ATP6V1B2: variants seen among roughly 807,000 people sequenced by gnomAD.
ATP6V1B2 encodes the protein V-type proton ATPase subunit B, brain isoform.
A neutral mutation model predicts 66.7 loss-of-function variants in ATP6V1B2; 23 were observed. That is an observed-to-expected ratio of 0.34 (90% CI 0.25 to 0.49). The LOEUF is 0.49. Among genes scored for constraint, ATP6V1B2 ranks in the 20% least tolerant of loss-of-function variants. ATP6V1B2 has a pLI of 0.99. For missense variants in ATP6V1B2, 478 were observed against 650.8 expected, an observed-to-expected ratio of 0.73 and a Z score of 2.89; for synonymous variants, 278 against 236.7, an observed-to-expected ratio of 1.17 and a Z score of -1.60.
chr8:20,213,420 A>T (rs1175203881), intron 9 of ATP6V1B2: 1 of 163,964 alleles, frequency 6.1e-6, no homozygotes, highest in African/African-American at 2.4e-5. Flanking sequence ...AAGCCAAGGC[A>T]GGAGGGTCAC....
chr8:20,204,851 T>C (rs888624096), intron 2 of ATP6V1B2, among the ~76,000 whole-genome samples: 9 of 151,734 alleles, frequency 5.9e-5, no homozygotes, highest in African/African-American at 2.2e-4. Flanking sequence ...TTGAGAGAGG[T>C]TAATGATGCA....
chr8:20,211,370 T>C (rs1222825758), intron 6 of ATP6V1B2, 54 bp downstream of exon 6: 2 of 1,582,794 alleles, frequency 1.3e-6, no homozygotes, highest in Admixed American at 3.9e-5. Flanking sequence ...ATTTCTATAA[T>C]GCATCACTGT....
At chr8:20,202,551 G>A (rs561062726) in intron 1 of ATP6V1B2, among the ~76,000 whole-genome samples, 2 of 152,324 alleles carry the variant, frequency 1.3e-5, no homozygotes, top group East Asian at 3.9e-4. Context: ...CTTGTCTTCT[G>A]TAGTAGATGT....
chr8:20,206,011 A>C (rs2072735154), intron 2 of ATP6V1B2, among the ~76,000 whole-genome samples: 1 of 152,244 alleles, frequency 6.6e-6, no homozygotes, highest in Non-Finnish European at 1.5e-5. Context: ...AAATTTGATG[A>C]AATTACTCAT....
In ATP6V1B2 at chr8:20,214,980, T is replaced by C. The variant is rs114934977; in HGVS notation, c.1078+12T>C. 7.0e-4 allele frequency: 1,133 copies of C among 1,612,214 alleles called. 8 individuals are homozygous for C. The African/African-American group carries it at 0.014, about 20-fold the overall frequency. On this transcript the variant is annotated intron_variant, in intron 10 of 13. Transcript: ENST00000276390. ...CATGCCTAATGATGGTAAGTTTTGG[T>C]ATTTGGATTATAACACACCTAATCA...
At chr8:20,201,519 T>C (rs1467559968) in intron 1 of ATP6V1B2, among the ~76,000 whole-genome samples, 2 of 152,164 alleles carry the variant, frequency 1.3e-5, no homozygotes, top group African/African-American at 4.8e-5. Flanking sequence ...ATTGTCTTTT[T>C]GTCCCCACTT....
intron 9 of ATP6V1B2, chr8:20,214,106 C>T (rs1158269182): frequency 3.3e-5 from 5 of 152,168 alleles, no homozygotes; most frequent in Non-Finnish European, 5.9e-5. Context: ...CGCTGTAGCA[C>T]GCTCCTTTGA....
At chr8:20,214,770 C>A in intron 9 of ATP6V1B2, 48 bp from the exon 10 acceptor site, 1 of 1,522,214 alleles carries the variant, frequency 6.6e-7, no homozygotes. Flanking sequence ...TGTAAGCAAG[C>A]TTGTTGTAAT....
Position 20,208,716 on chromosome 8 carries a change from T to C in ATP6V1B2, c.193-717T>C, listed in dbSNP as rs542918052. On this transcript the variant is annotated intron_variant, in intron 2 of 13. Transcript: ENST00000276390. ...TTATTATTTAGTAACTTTCTTTTTT[T>C]TTTTTTTTTGAGACAGAGTCTTTTT... 3.9e-3 allele frequency among the ~76,000 whole-genome samples: 590 copies of C among 150,502 alleles called. 8 individuals are homozygous for C. Among genetic ancestry groups the C allele is most frequent in the African/African-American group, 0.013 (539 of 41,134 alleles).
Position 20,197,408 on chromosome 8 carries a change from T to TGGCGCTGCG in ATP6V1B2, c.7_15dup (p.Leu3_Ala5dup). ...GCCAGTCGGGACAGAGGAGACAAGA[T>TGGCGCTGCG]GGCGCTGCGGGCGATGCGGGGGATT... On this transcript the variant is annotated inframe_insertion, in exon 1 of 14. Transcript: ENST00000276390. 6.5e-7 allele frequency: 1 copy of TGGCGCTGCG among 1,540,710 alleles called. No homozygotes were observed.
At chr8:20,218,057 C>T in intron 12 of ATP6V1B2, 96 bp from the exon 13 acceptor site, 1 of 1,449,778 alleles carries the variant, frequency 6.9e-7, no homozygotes, top group Non-Finnish European at 9.2e-7. Flanking sequence ...TCTATGGGCT[C>T]TTGTGAGGAG....
At chr8:20,211,838 G>C in intron 7 of ATP6V1B2, 85 bp downstream of exon 7, 2 of 1,135,634 alleles carry the variant, frequency 1.8e-6, no homozygotes, top group South Asian at 1.5e-5. Context: ...ATATATAGTT[G>C]AATTTTTCTT....
At chr8:20,204,096 C>A in intron 1 of ATP6V1B2, 1 of 439,178 alleles carries the variant, frequency 2.3e-6, no homozygotes, top group Non-Finnish European at 4.5e-6. Context: ...GAGAACTATT[C>A]CCCTGTTTCT....
intron 1 of ATP6V1B2, among the ~76,000 whole-genome samples, chr8:20,198,429 T>C (rs1265376792): frequency 6.6e-6 from 1 of 152,224 alleles, no homozygotes; most frequent in Non-Finnish European, 1.5e-5. Context: ...AAAAAGGCCT[T>C]AATGAACTAG....
At chr8:20,212,033 T>G in intron 7 of ATP6V1B2, 69 bp from the exon 8 acceptor site, 12 of 1,408,660 alleles carry the variant, frequency 8.5e-6, no homozygotes, top group Non-Finnish European at 1.2e-5. Context: ...ATCTGTAGCT[T>G]GGCTTTCATC....
Position 20,212,827 on chromosome 8 carries a change from A to G in ATP6V1B2, c.849A>G (p.Glu283=). The G allele has an allele frequency of 1.2e-6, 2 of 1,613,810 alleles. No homozygotes were observed. The highest frequency in any genetic ancestry group is 2.2e-5 in the East Asian group (1 of 44,864). Residue 283 remains glutamate, a synonymous_variant, in exon 9 of 14, where the codon GAA becomes GAG. Coordinates refer to ENST00000276390, the MANE Select transcript of ATP6V1B2 (RefSeq NM_001693.4). ...ITPRLALTTA[E]FLAYQCEKHV... is the part of the protein sequence containing the mutation. ...CTCGCCTGGCTCTAACCACAGCTGAATTTCTGGCGTACCAATGTGAGAAAC... is the reference window on the plus strand; with the variant it reads ...CTCGCCTGGCTCTAACCACAGCTGAGTTTCTGGCGTACCAATGTGAGAAAC...
chr8:20,217,433 A>T lies in ATP6V1B2; in HGVS notation c.1266+109A>T, dbSNP rs926977307. ...CTTCTCTCTTCCCCATCCACATGGA[A>T]TTTTAGTGTAGGCTTGATGTGGAAT... On this transcript the variant is annotated intron_variant, in intron 12 of 13. Coordinates refer to ENST00000276390, the MANE Select transcript of ATP6V1B2 (RefSeq NM_001693.4). 34 of 975,584 alleles carry T rather than the reference A, an allele frequency of 3.5e-5. No homozygotes were observed. In the African/African-American group the frequency reaches 4.6e-4, roughly 13 times the overall value. The allele number at this position is 975,584 out of a possible 1,614,324, so 60.4% of individuals were successfully genotyped here.
At chr8:20,208,802 G>A (rs954604400) in intron 2 of ATP6V1B2, among the ~76,000 whole-genome samples, 14 of 149,578 alleles carry the variant, frequency 9.4e-5, no homozygotes, top group Non-Finnish European at 1.6e-4. Context: ...CCGTCTCCCC[G>A]GCTCAAGCAG....
Position 20,220,485 on chromosome 8 carries a change from T to C in ATP6V1B2, c.*83T>C. 6.9e-7 allele frequency: 1 copy of C among 1,456,652 alleles called. No homozygotes were observed. Among genetic ancestry groups the C allele is most frequent in the Non-Finnish European group, 9.1e-7 (1 of 1,103,686 alleles). The allele number at this position is 1,456,652 out of a possible 1,614,324, so 90.2% of individuals were successfully genotyped here. A position where few individuals can be genotyped will look rare whatever the true frequency, so the allele number is the denominator to read the frequency against. On this transcript the variant is annotated 3_prime_UTR_variant, in exon 14 of 14. Coordinates refer to ENST00000276390, the MANE Select transcript of ATP6V1B2 (RefSeq NM_001693.4). ...CCTTTTGCACTCTCGGTTCCCACCT[T>C]TGTGTTGGAGTTTACCATGTTACCC...
Sources: gnomAD v4.1 joint callset for allele counts (sites outside exome capture counted in the v4.1 genomes callset) on GRCh38, gnomAD v4.1.1 for gene constraint, MANE v1.5 for transcripts, NCBI Gene and HGNC (gene_info 2026-07-23, HGNC 2026-07-21) for gene names.